The following DAGLB variants were observed in gnomAD, a reference collection of about 807,000 sequenced individuals.
The protein encoded by DAGLB is diacylglycerol lipase beta.
DAGLB carries 66 observed loss-of-function variants against 72.1 expected under a neutral mutation model. The observed-to-expected ratio is 0.92, with a 90% CI of 0.75 to 1.12. The LOEUF is 1.12. DAGLB is among the 50% of genes most tolerant of loss of function. The probability of loss-of-function intolerance (pLI) is 0.00; values close to 1 mark genes in which losing one functional copy is unlikely to be tolerated. For synonymous variants in DAGLB, 414 were observed against 359.5 expected, an observed-to-expected ratio of 1.15 and a Z score of -1.71; for missense variants, 1,065 against 884.9, an observed-to-expected ratio of 1.20 and a Z score of -2.58.
At chr7:6,420,736 C>T (rs1456032976) in intron 9 of DAGLB, among the ~76,000 whole-genome samples, 1 of 151,886 alleles carries the variant, frequency 6.6e-6, no homozygotes, top group Non-Finnish European at 1.5e-5. Flanking sequence ...TCACCAGTTA[C>T]AGGAAGCCCC....
chr7:6,438,501 A>C (rs577208656), intron 2 of DAGLB, among the ~76,000 whole-genome samples: 2 of 152,110 alleles, frequency 1.3e-5, no homozygotes, highest in African/African-American at 2.4e-5. Flanking sequence ...GGAAAAAAAA[A>C]AACACAGTCC....
intron 8 of DAGLB, chr7:6,422,737 G>A (rs536774029): frequency 1.3e-5 from 2 of 152,552 alleles, no homozygotes; most frequent in Middle Eastern, 3.4e-3. Flanking sequence ...TACTAGAGGA[G>A]GGCAGGGGAA....
intron 3 of DAGLB, 93 bp from the exon 4 acceptor site, chr7:6,435,113 T>A (rs1784613014): frequency 6.5e-7 from 1 of 1,537,904 alleles, no homozygotes; most frequent in Non-Finnish European, 8.8e-7. Flanking sequence ...AGTTTCTGAG[T>A]CTCTACCACG....
rs1784992069 is a variant in DAGLB at position 6,446,123 on chromosome 7, G to A, written c.96-19C>T. 6.3e-7 allele frequency: 1 copy of A among 1,581,982 alleles called. No individual in the cohort carries two copies. The highest frequency in any genetic ancestry group is 8.6e-7 in the Non-Finnish European group (1 of 1,167,904). On this transcript the variant is annotated intron_variant, in intron 1 of 14. Transcript: ENST00000297056. The stretch of plus-strand genomic sequence containing the variant: ...AATCCACCTGGCAAAAAAAAAAAAG[G>A]GAAGGGTCAGAAATGAAATCCAAGG...
intron 11 of DAGLB, among the ~76,000 whole-genome samples, chr7:6,413,585 G>A (rs956358817): frequency 2.0e-5 from 3 of 151,506 alleles, no homozygotes; most frequent in Admixed American, 6.6e-5. Context: ...AACTGAGATC[G>A]CGCCACTGCA....
chr7:6,432,675 AAAG>A (rs1454666296), intron 5 of DAGLB, among the ~76,000 whole-genome samples, 159 bp downstream of exon 5: 3 of 140,110 alleles, frequency 2.1e-5, no homozygotes, highest in Non-Finnish European at 4.7e-5. Context: ...AAAAAAAAAA[AAAG>A]GTGGGAGAGG....
At position 6,409,527 on chromosome 7, in the gene DAGLB, C is replaced by T. The variant is rs1783645190; in HGVS notation, c.*310G>A. 5.0e-6 allele frequency: 2 copies of T among 401,456 alleles called. No homozygotes were observed. Among genetic ancestry groups the T allele is most frequent in the Non-Finnish European group, 9.1e-6 (2 of 219,636 alleles). The allele number at this position is 401,456 out of a possible 1,614,324, so 24.9% of individuals were successfully genotyped here. The stretch of plus-strand genomic sequence containing the variant: ...CTTCTGGGTGGGCCCTGGATTCCCG[C>T]ACTTCTGGAGCAGTCCTCAGACAGC... On this transcript the variant is annotated 3_prime_UTR_variant, in exon 15 of 15. Coordinates refer to ENST00000297056, the MANE Select transcript of DAGLB (RefSeq NM_139179.4).
chr7:6,420,388 T>A (rs989854792), intron 9 of DAGLB, among the ~76,000 whole-genome samples: 1 of 150,446 alleles, frequency 6.6e-6, no homozygotes, highest in Admixed American at 6.7e-5. Context: ...TGCAGTGAGC[T>A]GAGATGGCAC....
chr7:6,423,582 C>G (rs1027166273), intron 8 of DAGLB, among the ~76,000 whole-genome samples: 1 of 151,548 alleles, frequency 6.6e-6, no homozygotes, highest in African/African-American at 2.4e-5. Flanking sequence ...CGCCACCATG[C>G]CCGGCTAATT....
At chr7:6,424,958 C>T in intron 7 of DAGLB, 123 bp from the exon 8 acceptor site, 2 of 894,908 alleles carry the variant, frequency 2.2e-6, no homozygotes, top group Non-Finnish European at 1.8e-6. Context: ...GGAGGGGACA[C>T]CGCCTCTCCA....
Position 6,410,221 on chromosome 7 carries a change from T to C in DAGLB, c.1729A>G (p.Ser577Gly), listed in dbSNP as rs1783673847. The C allele has an allele frequency of 1.9e-6, 3 of 1,610,550 alleles. No individual in the cohort carries two copies. In the East Asian group the frequency reaches 6.7e-5, roughly 36 times the overall value. The stretch of plus-strand genomic sequence containing the variant: ...GGAGAAGAGTCCAGTGGGGAGTCGC[T>C]GGAGAAGCTGTAGGCCGGGGACCAG... Reference protein sequence around the residue: ...TRWSPAYSFSSDSPLDSSPKY... With the variant: ...TRWSPAYSFSGDSPLDSSPKY... The change falls in exon 14 of 15, where the codon AGC (serine) becomes GGC (glycine). Residue 577 changes from serine (S) to glycine (G), a missense_variant. Physicochemically the swap from Ser to Gly is moderately conservative, Grantham distance 56. Transcript: ENST00000297056.
chr7:6,427,426 G>A (rs1408780564), intron 6 of DAGLB, among the ~76,000 whole-genome samples: 5 of 151,840 alleles, frequency 3.3e-5, no homozygotes, highest in South Asian at 2.1e-4. Flanking sequence ...CGGGAGGATC[G>A]CTCAAGTGTT....
chr7:6,443,094 A>G (rs1421595283), intron 2 of DAGLB, among the ~76,000 whole-genome samples: 3 of 150,824 alleles, frequency 2.0e-5, no homozygotes, highest in Non-Finnish European at 4.4e-5. Flanking sequence ...GAGGCAGGAG[A>G]ATGGCGTGAA....
chr7:6,423,729 A>T (rs1328502558), intron 8 of DAGLB, among the ~76,000 whole-genome samples: 1 of 152,034 alleles, frequency 6.6e-6, no homozygotes, highest in African/African-American at 2.4e-5. Context: ...CTGGGACTAC[A>T]GGAGCCCACC....
chr7:6,442,580 G>A (rs926755660), intron 2 of DAGLB, among the ~76,000 whole-genome samples: 1 of 152,176 alleles, frequency 6.6e-6, no homozygotes, highest in African/African-American at 2.4e-5. Context: ...AATGACACCA[G>A]TCTCAATACT....
intron 6 of DAGLB, among the ~76,000 whole-genome samples, chr7:6,427,695 A>G (rs1784356357): frequency 6.6e-6 from 1 of 152,164 alleles, no homozygotes; most frequent in South Asian, 2.1e-4. Flanking sequence ...AGGCAGGTGA[A>G]TCACTTGAGC....
intron 13 of DAGLB, among the ~76,000 whole-genome samples, chr7:6,411,831 C>G (rs550458924): frequency 6.6e-6 from 1 of 152,138 alleles, no homozygotes; most frequent in Non-Finnish European, 1.5e-5. Flanking sequence ...CTCCTTGTCC[C>G]CACTCTCTGC....
intron 9 of DAGLB, among the ~76,000 whole-genome samples, chr7:6,418,949 C>T (rs1424746110): frequency 6.6e-6 from 1 of 152,088 alleles, no homozygotes; most frequent in African/African-American, 2.4e-5. Flanking sequence ...CAGGCGTGAG[C>T]CACCGCACCT....
chr7:6,431,398 T>C (rs1784484763), intron 5 of DAGLB, among the ~76,000 whole-genome samples: 2 of 152,046 alleles, frequency 1.3e-5, no homozygotes, highest in African/African-American at 4.8e-5. Flanking sequence ...CCAGGGAGAA[T>C]CGCAGTCCCC....
Sources: allele counts gnomAD v4.1 joint callset (sites outside exome capture counted in the v4.1 genomes callset), GRCh38; gene constraint gnomAD v4.1.1; transcripts MANE v1.5; gene names NCBI Gene and HGNC (gene_info 2026-07-23, HGNC 2026-07-21).